Variants in CFAP91 observed in about 807,000 individuals in gnomAD.
CFAP91 encodes cilia- and flagella-associated protein 91.
A neutral mutation model predicts 95.9 loss-of-function variants in CFAP91; 85 were observed. The ratio of observed to expected loss-of-function variants is 0.89; its 90% confidence interval spans 0.74 to 1.06. The LOEUF (loss-of-function observed/expected upper bound fraction) is 1.06, where lower values mean the gene tolerates loss of function less well. Among genes scored for constraint, CFAP91 ranks in the 50% least tolerant of loss-of-function variants. CFAP91 has a pLI of 0.00. For missense variants in CFAP91, 962 were observed against 943.4 expected (o/e 1.02, Z -0.26); for synonymous variants, 335 against 327.5 (o/e 1.02, Z -0.25).
Position 119,747,138 on chromosome 3 carries a change from T to C in CFAP91, c.1926T>C (p.Thr642=), listed in dbSNP as rs780033448. 1 of 1,610,288 alleles carries C rather than the reference T, an allele frequency of 6.2e-7. No individual in the cohort carries two copies. The highest frequency in any genetic ancestry group is 1.1e-5 in the South Asian group (1 of 89,968). ...AGGTGGTTAAAGTTCACCATAGTAC[T>C]ATAAGCTCCTACCTAGAAGACATAA... ...FKEVVKVHHS[T]ISSYLEDIIL... The change falls in exon 15 of 18, where the codon ACT becomes ACC. Residue 642 remains threonine (T), a synonymous_variant. Transcript: ENST00000273390.
intron 10 of CFAP91, 27 bp downstream of exon 10, chr3:119,733,533 T>C: frequency 2.5e-6 from 4 of 1,601,588 alleles, no homozygotes; most frequent in Admixed American, 1.8e-5. Context: ...GAGGACAAAA[T>C]GCTTCTAGTA....
chr3:119,703,933 A>G (rs574964793), intron 1 of CFAP91, among the ~76,000 whole-genome samples: 147 of 148,004 alleles, frequency 9.9e-4, no homozygotes, highest in African/African-American at 3.3e-3. Context: ...GTAACCAGCT[A>G]TAAGCATGAT....
intron 8 of CFAP91, among the ~76,000 whole-genome samples, chr3:119,731,558 C>T (rs2053897581): frequency 6.6e-6 from 1 of 152,158 alleles, no homozygotes; most frequent in Non-Finnish European, 1.5e-5. Flanking sequence ...AATTCTAAAA[C>T]CCAAGTCACA....
chr3:119,722,717 A>G (rs531875878), intron 6 of CFAP91, among the ~76,000 whole-genome samples: 1 of 152,172 alleles, frequency 6.6e-6, no homozygotes, highest in South Asian at 2.1e-4. Context: ...CTGGTCTCCA[A>G]TTCTTGGACC....
At chr3:119,717,837 A>C (rs1299074407) in intron 6 of CFAP91, among the ~76,000 whole-genome samples, 1 of 152,116 alleles carries the variant, frequency 6.6e-6, no homozygotes, top group Non-Finnish European at 1.5e-5. Context: ...AGCAGCATAT[A>C]GTATGCTCTC....
chr3:119,737,505 G>C, intron 11 of CFAP91, 23 bp downstream of exon 11: 9 of 1,356,642 alleles, frequency 6.6e-6, no homozygotes, highest in Non-Finnish European at 9.4e-6. Flanking sequence ...CTTTTTAGTT[G>C]AAATGCTAAA....
At chr3:119,739,615 A>C (rs1234502628) in intron 12 of CFAP91, among the ~76,000 whole-genome samples, 1 of 152,144 alleles carries the variant, frequency 6.6e-6, no homozygotes, top group Admixed American at 6.5e-5. Context: ...TGGAATTGTT[A>C]AATCCATACA....
chr3:119,739,925 G>T (rs950257890), intron 12 of CFAP91, among the ~76,000 whole-genome samples: 2 of 152,102 alleles, frequency 1.3e-5, no homozygotes, highest in African/African-American at 4.8e-5. Context: ...TGGTCTTCCC[G>T]AGTGTAAAGC....
chr3:119,740,792 A>T (rs34948068), intron 13 of CFAP91, 97 bp downstream of exon 13: 265,758 of 1,388,228 alleles, frequency 0.19, 27,397 homozygotes, highest in Admixed American at 0.26. Flanking sequence ...TAATGAAATG[A>T]TGAAAAAGAA....
Position 119,707,607 on chromosome 3 carries a change from C to T in CFAP91, c.359+46C>T, listed in dbSNP as rs528870243. The T allele has an allele frequency of 3.4e-6, 5 of 1,483,268 alleles. No individual in the cohort carries two copies. The African/African-American group carries it at 6.9e-5, about 21-fold the overall frequency. The allele number at this position is 1,483,268 out of a possible 1,614,324, so 91.9% of individuals were successfully genotyped here. On this transcript the variant is annotated intron_variant, in intron 3 of 17. Coordinates refer to ENST00000273390, the MANE Select transcript of CFAP91 (RefSeq NM_033364.4). ...GGGCCTAAAATAAATGCATTAAAAGCATTTCTTTAAATTCATTTACCATGT... is the reference window on the plus strand; with the variant it reads ...GGGCCTAAAATAAATGCATTAAAAGTATTTCTTTAAATTCATTTACCATGT...
intron 10 of CFAP91, among the ~76,000 whole-genome samples, chr3:119,734,826 T>A (rs184950789): frequency 6.6e-6 from 1 of 152,326 alleles, no homozygotes; most frequent in East Asian, 1.9e-4. Context: ...TTTTCTTTTT[T>A]TGAGAAGAGT....
intron 6 of CFAP91, among the ~76,000 whole-genome samples, chr3:119,725,754 T>G (rs965795725): frequency 6.6e-6 from 1 of 150,796 alleles, no homozygotes; most frequent in African/African-American, 2.5e-5. Flanking sequence ...GAGACCTTGA[T>G]TCACAAAAAA....
chr3:119,738,978 G>A (rs572704617), intron 11 of CFAP91, among the ~76,000 whole-genome samples: 3 of 152,174 alleles, frequency 2.0e-5, no homozygotes, highest in Non-Finnish European at 4.4e-5. Context: ...AAGGAATATA[G>A]GGAAATGAAA....
chr3:119,717,784 C>A (rs2107866828), intron 6 of CFAP91, among the ~76,000 whole-genome samples: 1 of 152,274 alleles, frequency 6.6e-6, no homozygotes. Flanking sequence ...TCCCTACGAA[C>A]AGCTGCCATT....
chr3:119,761,436 A>T (rs1041556289), intron 17 of CFAP91, among the ~76,000 whole-genome samples: 2 of 151,726 alleles, frequency 1.3e-5, no homozygotes, highest in African/African-American at 4.8e-5. Context: ...CCAAATGTTT[A>T]AATTTCAGTC....
At chr3:119,760,301 G>C (rs1471545701) in intron 17 of CFAP91, among the ~76,000 whole-genome samples, 1 of 151,824 alleles carries the variant, frequency 6.6e-6, no homozygotes, top group African/African-American at 2.4e-5. Context: ...AGGTCATTGT[G>C]TGGTGATAAA....
At chr3:119,756,697 T>C (rs1326569115) in intron 17 of CFAP91, among the ~76,000 whole-genome samples, 1 of 152,192 alleles carries the variant, frequency 6.6e-6, no homozygotes, top group East Asian at 1.9e-4. Context: ...GATAACTCAA[T>C]GATCCATGAC....
chr3:119,722,667 TA>T (rs1559753259), intron 6 of CFAP91, among the ~76,000 whole-genome samples: 1 of 152,020 alleles, frequency 6.6e-6, no homozygotes, highest in East Asian at 1.9e-4. Context: ...TAAAAAAATA[TA>T]TTTTTTTGTG....
At chr3:119,738,020 C>G (rs2054043178) in intron 11 of CFAP91, among the ~76,000 whole-genome samples, 1 of 152,168 alleles carries the variant, frequency 6.6e-6, no homozygotes, top group Non-Finnish European at 1.5e-5. Context: ...GTTAGAGATG[C>G]CATGATGCAA....
Sources: gnomAD v4.1 joint callset for allele counts (sites outside exome capture counted in the v4.1 genomes callset) on GRCh38, gnomAD v4.1.1 for gene constraint, MANE v1.5 for transcripts, NCBI Gene and HGNC (gene_info 2026-07-23, HGNC 2026-07-21) for gene names.